LHFPL4: variants seen among roughly 807,000 people sequenced by gnomAD.
LHFPL4 encodes the protein LHFPL tetraspan subfamily member 4.
LHFPL4 carries 6 observed loss-of-function variants against 20.0 expected under a neutral mutation model. The observed-to-expected ratio is 0.30, with a 90% CI of 0.16 to 0.59. LHFPL4 has a LOEUF of 0.59. Ranked by LOEUF, LHFPL4 falls within the 20% of genes least tolerant of loss-of-function variation. LHFPL4 has a pLI of 0.88. For missense variants in LHFPL4, 215 were observed against 331.2 expected (o/e 0.65, Z 2.72); for synonymous variants, 129 against 143.8 (o/e 0.90, Z 0.74).
chr3:9,542,576 G>C (rs773733052), intron 2 of LHFPL4, among the ~76,000 whole-genome samples: 1 of 152,130 alleles, frequency 6.6e-6, no homozygotes, highest in African/African-American at 2.4e-5. Flanking sequence ...GGAGATCGAG[G>C]TGGAAGGATT....
At position 9,543,277 on chromosome 3, in the gene LHFPL4, G is replaced by A. The variant is rs568415063; in HGVS notation, c.406+8997C>T. On this transcript the variant is annotated intron_variant, in intron 2 of 3. Transcript: ENST00000287585. ...AGCACTGTGGGAGGCCGAGGTGGGC[G>A]GATCACGAGGTCAGGAGATCGAGAC... Among the ~76,000 whole-genome samples the A allele has an allele frequency of 1.8e-4, 28 of 151,984 alleles. 2 individuals are homozygous for A. The highest frequency in any genetic ancestry group is 2.7e-4 in the African/African-American group (11 of 41,434).
intron 2 of LHFPL4, among the ~76,000 whole-genome samples, chr3:9,508,795 G>A (rs1399602786): frequency 6.6e-6 from 1 of 152,218 alleles, no homozygotes; most frequent in African/African-American, 2.4e-5. Context: ...AGTGGTCTCA[G>A]CCCCAGTCCT....
At chr3:9,530,925 G>A (rs2046404689) in intron 2 of LHFPL4, among the ~76,000 whole-genome samples, 1 of 151,686 alleles carries the variant, frequency 6.6e-6, no homozygotes, top group African/African-American at 2.4e-5. Flanking sequence ...GATTTAACGT[G>A]AGAGATGTAT....
At chr3:9,509,077 G>T (rs1006259516) in intron 2 of LHFPL4, among the ~76,000 whole-genome samples, 1 of 152,156 alleles carries the variant, frequency 6.6e-6, no homozygotes, top group African/African-American at 2.4e-5. Context: ...CGCAGCGCTG[G>T]CTCCTGCGGG....
chr3:9,515,054 C>A (rs7640902), intron 2 of LHFPL4, among the ~76,000 whole-genome samples: 125,034 of 152,108 alleles, frequency 0.82, 51,964 homozygotes, highest in African/African-American at 0.96. Flanking sequence ...AGTAAGAGTA[C>A]ATTTATTTTT....
intron 1 of LHFPL4, 105 bp downstream of exon 1, chr3:9,553,580 G>C (rs2046572218): frequency 6.6e-6 from 1 of 150,698 alleles, no homozygotes; most frequent in South Asian, 2.1e-4. Flanking sequence ...GGGCTGGGGA[G>C]CGGCCGGGCC....
At position 9,520,422 on chromosome 3, in the gene LHFPL4, C is replaced by T. The variant is rs191856458; in HGVS notation, c.407-14219G>A. 5.6e-4 allele frequency among the ~76,000 whole-genome samples: 85 copies of T among 152,058 alleles called. 1 individual carries two copies. The highest frequency in any genetic ancestry group is 9.7e-4 in the Non-Finnish European group (66 of 67,998). On this transcript the variant is annotated intron_variant, in intron 2 of 3. Coordinates refer to ENST00000287585, the MANE Select transcript of LHFPL4 (RefSeq NM_198560.3). ...AGGCTGGAGTGCAGTGGTGCAATCT[C>T]GGCTCACTACAACCTCTGCTTCCCG...
intron 2 of LHFPL4, among the ~76,000 whole-genome samples, chr3:9,514,993 G>A (rs1319146732): frequency 6.6e-6 from 1 of 152,186 alleles, no homozygotes; most frequent in Non-Finnish European, 1.5e-5. Flanking sequence ...GTAGACATGA[G>A]TTTTTTATTC....
intron 2 of LHFPL4, among the ~76,000 whole-genome samples, chr3:9,530,123 A>C (rs1030725802): frequency 6.6e-6 from 1 of 152,152 alleles, no homozygotes. Flanking sequence ...TTCAACTTAA[A>C]GTCACCAGCT....
intron 2 of LHFPL4, among the ~76,000 whole-genome samples, chr3:9,528,711 G>A (rs1281248367): frequency 6.6e-6 from 1 of 152,120 alleles, no homozygotes; most frequent in Non-Finnish European, 1.5e-5. Context: ...TGTCTCCCGG[G>A]TTCAAGCAAT....
chr3:9,529,311 G>A (rs2046395065), intron 2 of LHFPL4, among the ~76,000 whole-genome samples: 1 of 152,246 alleles, frequency 6.6e-6, no homozygotes, highest in South Asian at 2.1e-4. Flanking sequence ...ACAGATGCGA[G>A]CCACCGCGCC....
rs2046361994 is a variant in LHFPL4, at chr3:9,524,662, ATT to A, written c.407-18461_407-18460del. 2.0e-5 allele frequency among the ~76,000 whole-genome samples: 3 copies of A among 152,042 alleles called. No individual in the cohort carries two copies. In the South Asian group the frequency reaches 6.2e-4, roughly 32 times the overall value. ...CCCATCTGTTCTTGCATGCTAATTT[ATT>A]TGTCAGAGCCATTGCAATATTAATT... On this transcript the variant is annotated intron_variant, in intron 2 of 3. Coordinates refer to ENST00000287585, the MANE Select transcript of LHFPL4 (RefSeq NM_198560.3).
At chr3:9,518,476 G>C (rs1453872486) in intron 2 of LHFPL4, among the ~76,000 whole-genome samples, 3 of 152,136 alleles carry the variant, frequency 2.0e-5, no homozygotes, top group Non-Finnish European at 4.4e-5. Flanking sequence ...AGAATGTAGA[G>C]AATTCTTGTA....
intron 2 of LHFPL4, among the ~76,000 whole-genome samples, chr3:9,545,527 A>C (rs1340340611): frequency 6.6e-6 from 1 of 152,124 alleles, no homozygotes; most frequent in Admixed American, 6.6e-5. Flanking sequence ...AATAGAATAA[A>C]GGCCAAGGTG....
intron 2 of LHFPL4, chr3:9,550,757 C>T (rs538785550): frequency 5.9e-5 from 9 of 152,192 alleles, no homozygotes; most frequent in African/African-American, 1.9e-4. Flanking sequence ...TCACCTTTCC[C>T]ACCCTCTTCA....
intron 3 of LHFPL4, among the ~76,000 whole-genome samples, chr3:9,504,015 G>C (rs748316032): frequency 3.9e-5 from 6 of 152,014 alleles, no homozygotes; most frequent in Non-Finnish European, 8.8e-5. Flanking sequence ...AGCAGAGTGA[G>C]GCCCCCTCCC....
chr3:9,546,239 C>T (rs560242378), intron 2 of LHFPL4, among the ~76,000 whole-genome samples: 7 of 150,690 alleles, frequency 4.6e-5, no homozygotes, highest in African/African-American at 7.3e-5. Flanking sequence ...CGCTTGAACC[C>T]GGGAGACAGA....
chr3:9,526,871 T>G (rs1026635584), intron 2 of LHFPL4, among the ~76,000 whole-genome samples: 2 of 152,046 alleles, frequency 1.3e-5, no homozygotes, highest in East Asian at 1.9e-4. Flanking sequence ...GCAGGGGGCA[T>G]GAGGCCCTGC....
chr3:9,526,398 T>G (rs115699906), intron 2 of LHFPL4, among the ~76,000 whole-genome samples: 262 of 152,312 alleles, frequency 1.7e-3, no homozygotes, highest in African/African-American at 6.0e-3. Flanking sequence ...GTCATGTGTA[T>G]TTTACCACAA....
Sources: allele counts gnomAD v4.1 joint callset (sites outside exome capture counted in the v4.1 genomes callset), GRCh38; gene constraint gnomAD v4.1.1; transcripts MANE v1.5; gene names NCBI Gene and HGNC (gene_info 2026-07-23, HGNC 2026-07-21).